RAPH1: variants seen among roughly 807,000 people sequenced by gnomAD.
RAPH1 encodes Ras association (RalGDS/AF-6) and pleckstrin homology domains 1, also known as ras-associated and pleckstrin homology domains-containing protein 1.
In RAPH1, 18 loss-of-function variants were observed where a neutral mutation model predicts 88.1. The ratio of observed to expected loss-of-function variants is 0.20; its 90% CI spans 0.14 to 0.30. RAPH1 has a LOEUF of 0.30. Ranked by LOEUF, RAPH1 falls within the 10% of genes least tolerant of loss-of-function variation. The pLI, the probability that RAPH1 is intolerant of heterozygous loss-of-function variation, is 1.00. For missense variants in RAPH1, 1,448 were observed against 1,543.2 expected, an observed-to-expected ratio of 0.94 and a Z score of 1.03; for synonymous variants, 587 against 559.0, an observed-to-expected ratio of 1.05 and a Z score of -0.71.
chr2:203,477,032 T>A lies in RAPH1; in HGVS notation c.732+12552A>T, dbSNP rs1287123829. The A allele has an allele frequency of 5.2e-6, 7 of 1,348,928 alleles. No individual in the cohort carries two copies. In the East Asian group the frequency reaches 1.1e-4, roughly 22 times the overall value. The allele number at this position is 1,348,928 out of a possible 1,614,324, so 83.6% of individuals were successfully genotyped here. A position where few individuals can be genotyped will look rare whatever the true frequency, so the allele number is the denominator to read the frequency against. On this transcript the variant is annotated intron_variant, in intron 4 of 13. Transcript: ENST00000319170. The stretch of plus-strand genomic sequence containing the variant: ...ATCATTTGGAGGTCTAATGAATGCA[T>A]TCCTCTTCATTAAGTCATGCCATGG...
At chr2:203,480,163 T>C (rs558329920) in intron 4 of RAPH1, among the ~76,000 whole-genome samples, 1 of 152,378 alleles carries the variant, frequency 6.6e-6, no homozygotes, top group Admixed American at 6.5e-5. Context: ...TATGAATCAC[T>C]ACTTTCTTGA....
In RAPH1 at chr2:203,454,468, T is replaced by C; in HGVS notation, c.1375A>G (p.Lys459Glu). 1 of 1,613,730 alleles carries C rather than the reference T, an allele frequency of 6.2e-7. No individual in the cohort carries two copies. The highest frequency in any genetic ancestry group is 8.5e-7 in the Non-Finnish European group (1 of 1,179,864). The change falls in exon 10 of 14, where the codon AAA becomes GAA. Residue 459 changes from lysine to glutamate, a missense_variant. Coordinates refer to ENST00000319170, the MANE Select transcript of RAPH1 (RefSeq NM_213589.3). ...NVYYGQDYRN[K>E]YKAPTDYCLV... ...CAATAGTCTGTAGGTGCTTTGTATT[T>C]GTTCCGATAGTCCTGGCCATAATAA...
At chr2:203,519,517 C>CA (rs1322777998) in intron 1 of RAPH1, among the ~76,000 whole-genome samples, 5 of 151,870 alleles carry the variant, frequency 3.3e-5, no homozygotes, top group Admixed American at 1.3e-4. Context: ...ATAAAATCTA[C>CA]AAAAAAACCC....
In RAPH1 at chr2:203,440,126, CAGG is replaced by C. The variant is rs1313842687; in HGVS notation, c.3061_3063del (p.Pro1021del). 4 of 1,613,432 alleles carry C rather than the reference CAGG, an allele frequency of 2.5e-6. No homozygotes were observed. Among genetic ancestry groups the C allele is most frequent in the Non-Finnish European group, 3.4e-6 (4 of 1,179,956 alleles). On this transcript the variant is annotated inframe_deletion, in exon 14 of 14. Coordinates refer to ENST00000319170, the MANE Select transcript of RAPH1 (RefSeq NM_213589.3). ...AGTTTTCCAGGCTTGGGGGGTGCTG[CAGG>C]AGGTGGTAGGGTCTCCTTGCTGGGA...
intron 1 of RAPH1, among the ~76,000 whole-genome samples, chr2:203,513,212 G>T (rs1004219084): frequency 2.0e-5 from 3 of 151,376 alleles, no homozygotes; most frequent in East Asian, 1.9e-4. Context: ...AGAAAAATGG[G>T]GGGGGGAATA....
intron 1 of RAPH1, among the ~76,000 whole-genome samples, chr2:203,506,866 A>ATATAGATATATATATC (rs1689093932): frequency 1.1e-5 from 1 of 90,662 alleles, no homozygotes; most frequent in Non-Finnish European, 1.9e-5. Context: ...CTATATATAT[A>ATATAGATATATATATC]TATATATATA....
chr2:203,484,167 G>C (rs1160697354), intron 4 of RAPH1, among the ~76,000 whole-genome samples: 1 of 152,186 alleles, frequency 6.6e-6, no homozygotes, highest in African/African-American at 2.4e-5. Context: ...TGGAGTTCAG[G>C]AGAGAGGGAC....
chr2:203,440,905 G>A lies in RAPH1; in HGVS notation c.2285C>T (p.Thr762Ile), dbSNP rs1174845224. ...AGGGATAGGAGGAGGTGGGGGGGGT[G>A]TTGGGGGAGCCACCTGAGTAATATG... ...VQHITQVAPP[T>I]PPPPPPIPAP... The change falls in exon 14 of 14, where the codon ACA becomes ATA. Residue 762 changes from threonine to isoleucine, a missense_variant. Transcript: ENST00000319170. 2.1e-6 allele frequency: 3 copies of A among 1,452,294 alleles called. No individual in the cohort carries two copies. The highest frequency in any genetic ancestry group is 1.9e-6 in the Non-Finnish European group (2 of 1,072,140). The allele number at this position is 1,452,294 out of a possible 1,614,324, so 90.0% of individuals were successfully genotyped here.
At chr2:203,495,041 T>A (rs1688452153) in intron 2 of RAPH1, 193 bp downstream of exon 2, 2 of 518,656 alleles carry the variant, frequency 3.9e-6, no homozygotes, top group East Asian at 3.0e-5. Flanking sequence ...TTTTTTAACA[T>A]CCTTAAAATA....
Position 203,461,285 on chromosome 2 carries a change from A to G in RAPH1, c.934T>C (p.Trp312Arg), listed in dbSNP as rs2098524030. ...DKSHCGYSLD[W>R]SLVETVSELQ... ...TCAGAAACGGTTTCTACCAGTGACCAGTCTAAACTATAACCGCAGTGGGAT... is the reference window on the plus strand; with the variant it reads ...TCAGAAACGGTTTCTACCAGTGACCGGTCTAAACTATAACCGCAGTGGGAT... Residue 312 changes from tryptophan to arginine, a missense_variant, in exon 6 of 14, where the codon TGG becomes CGG. By Grantham distance (101) the Trp-to-Arg change is moderately radical. Transcript: ENST00000319170. 2 of 1,599,430 alleles carry G rather than the reference A, an allele frequency of 1.3e-6. No individual in the cohort carries two copies. Among genetic ancestry groups the G allele is most frequent in the Non-Finnish European group, 1.7e-6 (2 of 1,172,428 alleles).
At chr2:203,515,854 T>G (rs1689579207) in intron 1 of RAPH1, among the ~76,000 whole-genome samples, 1 of 152,196 alleles carries the variant, frequency 6.6e-6, no homozygotes, top group African/African-American at 2.4e-5. Flanking sequence ...CCAGTAGAAG[T>G]GCTTTGCAAG....
intron 13 of RAPH1, chr2:203,444,660 A>G: frequency 2.3e-6 from 1 of 436,376 alleles, no homozygotes; most frequent in East Asian, 3.4e-5. Context: ...ATTAGAGCCA[A>G]TTTGTAAAAT....
Position 203,445,010 on chromosome 2 carries a change from T to C in RAPH1, c.1634A>G (p.Glu545Gly), listed in dbSNP as rs569679541. 1 of 1,611,534 alleles carries C rather than the reference T, an allele frequency of 6.2e-7. No individual in the cohort carries two copies. The highest frequency in any genetic ancestry group is 2.2e-5 in the East Asian group (1 of 44,878). Residue 545 changes from glutamate to glycine, a missense_variant and splice_region_variant, in exon 13 of 14, where the codon GAG (glutamate) becomes GGG (glycine). Coordinates refer to ENST00000319170, the MANE Select transcript of RAPH1 (RefSeq NM_213589.3). ...KSGSSSSSIP[E>G]SQSNHSNQSD... ...CTGATTGGAGTGGTTTGACTGAGAC[T>C]CTGTTTAAAATAGTTTTTTAAACAT... is the stretch of plus-strand genomic sequence containing the variant.
intron 1 of RAPH1, among the ~76,000 whole-genome samples, chr2:203,521,437 T>C (rs1013645989): frequency 6.6e-6 from 1 of 152,088 alleles, no homozygotes; most frequent in African/African-American, 2.4e-5. Flanking sequence ...TAAAATTTTA[T>C]GGATACATAC....
At chr2:203,469,587 T>C (rs1013921922) in intron 4 of RAPH1, among the ~76,000 whole-genome samples, 20 of 152,170 alleles carry the variant, frequency 1.3e-4, no homozygotes, top group African/African-American at 4.6e-4. Context: ...GCTAATGAAA[T>C]AAAAACATGA....
At chr2:203,495,062 CTTAAT>C (rs1324939815) in intron 2 of RAPH1, 167 bp downstream of exon 2, 5 of 606,306 alleles carry the variant, frequency 8.2e-6, no homozygotes, top group Non-Finnish European at 1.4e-5. Context: ...ACCATAGATT[CTTAAT>C]ATCTTCTGTT....
At chr2:203,519,263 T>C (rs746245095) in intron 1 of RAPH1, among the ~76,000 whole-genome samples, 2 of 152,136 alleles carry the variant, frequency 1.3e-5, no homozygotes, top group Admixed American at 6.6e-5. Context: ...ATTAACAAAT[T>C]GAACCCAACA....
intron 1 of RAPH1, among the ~76,000 whole-genome samples, chr2:203,534,356 A>T (rs1441877011): frequency 6.6e-6 from 1 of 152,124 alleles, no homozygotes; most frequent in Non-Finnish European, 1.5e-5. Context: ...ATATTAAACC[A>T]TGTCTTCGAG....
intron 1 of RAPH1, among the ~76,000 whole-genome samples, chr2:203,527,014 C>T (rs1240156558): frequency 1.3e-5 from 2 of 152,026 alleles, no homozygotes; most frequent in Non-Finnish European, 1.5e-5. Context: ...GAACTCCTGA[C>T]CTCAGGTGAT....
Sources: gnomAD v4.1 joint callset for allele counts (sites outside exome capture counted in the v4.1 genomes callset) on GRCh38, gnomAD v4.1.1 for gene constraint, MANE v1.5 for transcripts, NCBI Gene and HGNC (gene_info 2026-07-23, HGNC 2026-07-21) for gene names.